Variants in SLC35F3 observed in about 807,000 individuals in gnomAD.
SLC35F3 encodes putative thiamine transporter SLC35F3.
A neutral mutation model predicts 49.9 loss-of-function variants in SLC35F3; 25 were observed. The observed-to-expected ratio is 0.50, with a 90% CI of 0.37 to 0.70. SLC35F3 has a LOEUF of 0.70. Among genes scored for constraint, SLC35F3 ranks in the 30% least tolerant of loss-of-function variants. The probability of loss-of-function intolerance (pLI) is 0.00; values close to 1 mark genes in which losing one functional copy is unlikely to be tolerated. For missense variants in SLC35F3, 525 were observed against 639.8 expected, an observed-to-expected ratio of 0.82 and a Z score of 1.94; for synonymous variants, 275 against 265.4, an observed-to-expected ratio of 1.04 and a Z score of -0.35.
At chr1:234,042,444 T>C (rs1664234741) in intron 2 of SLC35F3, among the ~76,000 whole-genome samples, 2 of 152,202 alleles carry the variant, frequency 1.3e-5, no homozygotes, top group Admixed American at 1.3e-4. Flanking sequence ...GGTTGGCAAC[T>C]ACTGATGTAA....
At position 234,320,202 on chromosome 1, in the gene SLC35F3, C is replaced by T; in HGVS notation, c.1237+15C>T. Reference sequence around the variant, plus strand: ...TGTGAATGCAGGTAAACCTATGCGGCTTTCTATATCTGCACATAAGCACAC... The same window carrying T: ...TGTGAATGCAGGTAAACCTATGCGGTTTTCTATATCTGCACATAAGCACAC... On this transcript the variant is annotated intron_variant, in intron 7 of 7. Coordinates refer to ENST00000366618, the MANE Select transcript of SLC35F3 (RefSeq NM_173508.4). This position sits in a 1 kb window ranked among gnomAD's most constrained non-coding sequence, Gnocchi z 4.8. 1 of 1,586,250 alleles carries T rather than the reference C, an allele frequency of 6.3e-7. No homozygotes were observed. The highest frequency in any genetic ancestry group is 8.7e-7 in the Non-Finnish European group (1 of 1,155,062).
chr1:233,989,396 C>T (rs1663318847), intron 2 of SLC35F3, among the ~76,000 whole-genome samples: 1 of 152,150 alleles, frequency 6.6e-6, no homozygotes, highest in African/African-American at 2.4e-5. Flanking sequence ...GGATGTTATA[C>T]ATTTATGTTT....
intron 3 of SLC35F3, among the ~76,000 whole-genome samples, chr1:234,264,607 C>A (rs1667953324): frequency 6.6e-6 from 1 of 152,156 alleles, no homozygotes; most frequent in African/African-American, 2.4e-5. Context: ...AGTGGAGTGG[C>A]ATGATCATAG....
chr1:234,055,981 C>T (rs1664451389), intron 2 of SLC35F3, among the ~76,000 whole-genome samples: 1 of 152,094 alleles, frequency 6.6e-6, no homozygotes, highest in South Asian at 2.1e-4. Context: ...CTTGGATTTA[C>T]CATATTGACA....
chr1:234,239,319 G>A (rs1317180903), intron 3 of SLC35F3, among the ~76,000 whole-genome samples: 2 of 152,142 alleles, frequency 1.3e-5, no homozygotes, highest in Non-Finnish European at 2.9e-5. Context: ...AAGTGTGTAC[G>A]GATTTGCAGG....
chr1:234,185,438 T>C (rs1442557748), intron 2 of SLC35F3, among the ~76,000 whole-genome samples: 1 of 152,224 alleles, frequency 6.6e-6, no homozygotes, highest in Admixed American at 6.5e-5. Context: ...GCAAATACAT[T>C]TCATTTTGTA....
chr1:234,227,771 T>TG (rs1667311031), intron 2 of SLC35F3, among the ~76,000 whole-genome samples: 1 of 151,816 alleles, frequency 6.6e-6, no homozygotes, highest in South Asian at 2.1e-4. Context: ...ATTTTGGAGG[T>TG]GGGGGGCAGA....
chr1:234,146,610 G>A (rs963168591), intron 2 of SLC35F3, among the ~76,000 whole-genome samples: 1 of 150,026 alleles, frequency 6.7e-6, no homozygotes. Context: ...CACCTCCCGG[G>A]TTCAAGTGAT....
chr1:234,135,588 A>G (rs1665798491), intron 2 of SLC35F3, among the ~76,000 whole-genome samples: 1 of 152,236 alleles, frequency 6.6e-6, no homozygotes, highest in African/African-American at 2.4e-5. Flanking sequence ...AGGGAAGTCC[A>G]GAGGAAACCA....
chr1:234,236,009 A>T (rs1667462472), intron 3 of SLC35F3, among the ~76,000 whole-genome samples: 1 of 152,182 alleles, frequency 6.6e-6, no homozygotes, highest in Non-Finnish European at 1.5e-5. Flanking sequence ...CTAGAAATAC[A>T]AGATAAATGG....
Position 233,993,480 on chromosome 1 carries a change from T to A in SLC35F3, c.283+87722T>A, listed in dbSNP as rs529937867. Among the ~76,000 whole-genome samples, 5 of 152,318 alleles carry A rather than the reference T, an allele frequency of 3.3e-5. No individual in the cohort carries two copies. The South Asian group carries it at 1.0e-3, about 32-fold the overall frequency. The stretch of plus-strand genomic sequence containing the variant: ...TGATAGATTCATCAAAATTCTCTTT[T>A]AAATCTGAAGGGCATCATATAATAA... On this transcript the variant is annotated intron_variant, in intron 2 of 7. Transcript: ENST00000366618.
chr1:234,128,275 G>A (rs547724539), intron 2 of SLC35F3, among the ~76,000 whole-genome samples: 9 of 152,256 alleles, frequency 5.9e-5, no homozygotes, highest in African/African-American at 2.2e-4. Flanking sequence ...TGATGCATGT[G>A]TACAGCAGGG....
chr1:233,905,171 G>T (rs750617948), intron 1 of SLC35F3, 41 bp downstream of exon 1: 3 of 1,547,576 alleles, frequency 1.9e-6, no homozygotes, highest in Non-Finnish European at 2.6e-6. Context: ...GCCGGCGGGC[G>T]GGAGGCCGGA....
At chr1:233,969,197 A>G (rs558483139) in intron 2 of SLC35F3, among the ~76,000 whole-genome samples, 1 of 152,268 alleles carries the variant, frequency 6.6e-6, no homozygotes, top group South Asian at 2.1e-4. Context: ...AGTCTCCTCC[A>G]TGCCGATTTT....
intron 2 of SLC35F3, among the ~76,000 whole-genome samples, chr1:234,145,562 CA>C (rs1339512227): frequency 6.6e-6 from 1 of 151,968 alleles, no homozygotes; most frequent in Non-Finnish European, 1.5e-5. Context: ...AACCACGGAT[CA>C]AAAATATTCG....
At chr1:234,215,803 C>T (rs1667113131) in intron 2 of SLC35F3, among the ~76,000 whole-genome samples, 1 of 152,178 alleles carries the variant, frequency 6.6e-6, no homozygotes, top group Non-Finnish European at 1.5e-5. Context: ...TGATCCCCAT[C>T]CTACTGAGGA....
intron 2 of SLC35F3, among the ~76,000 whole-genome samples, chr1:233,975,106 A>G (rs1207377611): frequency 6.6e-6 from 1 of 151,966 alleles, no homozygotes; most frequent in East Asian, 2.0e-4. Context: ...CCCCATTCCC[A>G]GAGAGTCAGA....
intron 2 of SLC35F3, among the ~76,000 whole-genome samples, chr1:233,964,478 G>T (rs1279256023): frequency 6.6e-6 from 1 of 152,232 alleles, no homozygotes; most frequent in Non-Finnish European, 1.5e-5. Context: ...GAGGGAGGCA[G>T]ATGTGGTGTT....
intron 2 of SLC35F3, among the ~76,000 whole-genome samples, chr1:234,090,506 C>T (rs1485396416): frequency 1.3e-5 from 2 of 152,136 alleles, no homozygotes; most frequent in South Asian, 2.1e-4. Flanking sequence ...AAATAAGGCT[C>T]GGGGGTACTT....
Sources: allele counts gnomAD v4.1 joint callset (sites outside exome capture counted in the v4.1 genomes callset), GRCh38; gene constraint gnomAD v4.1.1; non-coding constraint Gnocchi (gnomAD v3.1); transcripts MANE v1.5; gene names NCBI Gene and HGNC (gene_info 2026-07-23, HGNC 2026-07-21).